CCDC192: variants seen among roughly 807,000 people sequenced by gnomAD.
CCDC192 encodes coiled-coil domain-containing protein 192.
intron 3 of CCDC192, among the ~76,000 whole-genome samples, chr5:127,788,465 T>C (rs1756687535): frequency 6.6e-6 from 1 of 152,190 alleles, no homozygotes; most frequent in South Asian, 2.1e-4. Context: ...CACTTTAAAA[T>C]TTATTCTGCT....
intron 2 of CCDC192, among the ~76,000 whole-genome samples, chr5:127,733,332 G>A (rs967171279): frequency 1.3e-5 from 2 of 152,058 alleles, no homozygotes; most frequent in Admixed American, 6.6e-5. Context: ...ACTTGCTACT[G>A]TGGACCAGCC....
At chr5:127,932,554 A>T (rs1754066812) in intron 6 of CCDC192, among the ~76,000 whole-genome samples, 1 of 152,176 alleles carries the variant, frequency 6.6e-6, no homozygotes, top group Admixed American at 6.5e-5. Flanking sequence ...TGAAGAAAAA[A>T]ATACTCCTGG....
At chr5:127,766,038 A>C (rs1755206351) in intron 3 of CCDC192, among the ~76,000 whole-genome samples, 2 of 152,122 alleles carry the variant, frequency 1.3e-5, no homozygotes, top group Admixed American at 1.3e-4. Flanking sequence ...CCCTATGTTA[A>C]CCCATCCCAC....
chr5:127,750,887 T>C (rs897848376), intron 2 of CCDC192, among the ~76,000 whole-genome samples: 5 of 151,082 alleles, frequency 3.3e-5, no homozygotes, highest in African/African-American at 1.2e-4. Context: ...TTTGTCTCTT[T>C]TGATCTTTGT....
intron 3 of CCDC192, chr5:127,785,077 A>G: frequency 1.9e-6 from 1 of 513,684 alleles, no homozygotes; most frequent in Non-Finnish European, 4.0e-6. Context: ...CAGCTGCTGT[A>G]CAGTGTAGGC....
chr5:127,901,654 A>C (rs1337963055), intron 6 of CCDC192, among the ~76,000 whole-genome samples: 2 of 152,160 alleles, frequency 1.3e-5, no homozygotes, highest in Admixed American at 1.3e-4. Flanking sequence ...GCATCCAAGA[A>C]TCTTCTCTTC....
chr5:127,783,750 A>G (rs2126938545), intron 3 of CCDC192, among the ~76,000 whole-genome samples: 2 of 152,192 alleles, frequency 1.3e-5, no homozygotes, highest in South Asian at 4.2e-4. Flanking sequence ...CCCTACTACT[A>G]TTGTATTGCT....
At chr5:127,734,263 T>C (rs1752831438) in intron 2 of CCDC192, among the ~76,000 whole-genome samples, 1 of 152,012 alleles carries the variant, frequency 6.6e-6, no homozygotes, top group Admixed American at 6.6e-5. Context: ...AACTCATCAC[T>C]TTTTATGGCT....
chr5:127,843,242 G>C (rs958369709), intron 5 of CCDC192, among the ~76,000 whole-genome samples: 6 of 150,770 alleles, frequency 4.0e-5, no homozygotes, highest in Non-Finnish European at 8.9e-5. Context: ...GTTTCACCAT[G>C]TTACCCCGGA....
intron 5 of CCDC192, among the ~76,000 whole-genome samples, chr5:127,800,388 AAAAAAAAAAAAAAC>A (rs1295875902): frequency 7.2e-6 from 1 of 137,954 alleles, no homozygotes; most frequent in Admixed American, 7.4e-5. Flanking sequence ...AAAAAAAAAA[AAAAAAAAAAAAAAC>A]AACAACAACA....
chr5:127,870,245 G>A (rs1308338303), intron 5 of CCDC192, among the ~76,000 whole-genome samples: 1 of 152,122 alleles, frequency 6.6e-6, no homozygotes, highest in Non-Finnish European at 1.5e-5. Flanking sequence ...CCTTAGCTGG[G>A]TTCATCAAAT....
At chr5:127,775,077 T>C (rs950499687) in intron 3 of CCDC192, among the ~76,000 whole-genome samples, 1 of 152,162 alleles carries the variant, frequency 6.6e-6, no homozygotes, top group African/African-American at 2.4e-5. Flanking sequence ...AAATCATGCC[T>C]TTTTTTCCCT....
intron 5 of CCDC192, among the ~76,000 whole-genome samples, chr5:127,814,318 T>C (rs1036687961): frequency 1.3e-5 from 2 of 152,342 alleles, no homozygotes; most frequent in East Asian, 3.8e-4. Flanking sequence ...GCATTAAGCA[T>C]TAAAAACAAG....
intron 6 of CCDC192, among the ~76,000 whole-genome samples, chr5:127,892,934 T>C (rs1752770788): frequency 6.6e-6 from 1 of 152,174 alleles, no homozygotes; most frequent in South Asian, 2.1e-4. Context: ...GTAATCCAAA[T>C]ACCGCAAGAG....
intron 3 of CCDC192, among the ~76,000 whole-genome samples, chr5:127,759,650 T>G (rs1254497554): frequency 2.0e-5 from 3 of 152,212 alleles, no homozygotes; most frequent in Non-Finnish European, 2.9e-5. Flanking sequence ...AAACATCTGT[T>G]TATTTTCACT....
At chr5:127,902,463 T>A (rs1248499160) in intron 6 of CCDC192, among the ~76,000 whole-genome samples, 1 of 152,058 alleles carries the variant, frequency 6.6e-6, no homozygotes, top group Non-Finnish European at 1.5e-5. Flanking sequence ...AACTTCCTGC[T>A]CTCATTTAGT....
chr5:127,791,480 G>T (rs1756864106), intron 3 of CCDC192, among the ~76,000 whole-genome samples: 1 of 152,330 alleles, frequency 6.6e-6, no homozygotes, highest in South Asian at 2.1e-4. Flanking sequence ...GAACTGGCAA[G>T]AACTGTCAGA....
At chr5:127,797,913 T>C (rs1757271072) in intron 4 of CCDC192, among the ~76,000 whole-genome samples, 193 bp from the exon 5 acceptor site, 1 of 151,634 alleles carries the variant, frequency 6.6e-6, no homozygotes, top group East Asian at 1.9e-4. Flanking sequence ...TGTTTTTTCT[T>C]TGGGTTCTTT....
chr5:127,868,589 T>A (rs1298342725), intron 5 of CCDC192, among the ~76,000 whole-genome samples: 2 of 152,092 alleles, frequency 1.3e-5, no homozygotes, highest in African/African-American at 4.8e-5. Context: ...ATTTATAGAA[T>A]CTGAAATGCC....
Sources: gnomAD v4.1 joint callset for allele counts (sites outside exome capture counted in the v4.1 genomes callset) on GRCh38, gnomAD v4.1.1 for gene constraint, MANE v1.5 for transcripts, NCBI Gene and HGNC (gene_info 2026-07-23, HGNC 2026-07-21) for gene names.